GFER: variants seen among roughly 807,000 people sequenced by gnomAD.
GFER encodes the protein growth factor, augmenter of liver regeneration, also known as FAD-linked sulfhydryl oxidase ALR.
In GFER, 24 loss-of-function variants were observed where a neutral mutation model predicts 18.2. The observed-to-expected ratio is 1.32, with a 90% CI of 0.96 to 1.86. The LOEUF (loss-of-function observed/expected upper bound fraction) is 1.86, where lower values mean the gene tolerates loss of function less well. Among genes scored for constraint, GFER ranks in the 40% most tolerant of loss-of-function variants. The probability of loss-of-function intolerance (pLI) is 0.00; values close to 1 mark genes in which losing one functional copy is unlikely to be tolerated. For missense variants in GFER, 316 were observed against 295.6 expected, an observed-to-expected ratio of 1.07 and a Z score of -0.51; for synonymous variants, 138 against 126.9, an observed-to-expected ratio of 1.09 and a Z score of -0.59.
In GFER at chr16:1,987,282, A is replaced by C. The variant is rs901514599; in HGVS notation, c.*1254A>C. 1.3e-5 allele frequency: 2 copies of C among 152,456 alleles called. No homozygotes were observed. Among genetic ancestry groups the C allele is most frequent in the African/African-American group, 4.8e-5 (2 of 41,422 alleles). 9.4% of individuals were successfully genotyped at this position (152,456 alleles called of 1,614,324 possible). On this transcript the variant is annotated 3_prime_UTR_variant, in exon 3 of 3. Coordinates refer to ENST00000248114, the MANE Select transcript of GFER (RefSeq NM_005262.3). ...CCAGCCTTTGGGCCTCCCCAGCCAG[A>C]GCAGCCCAGCAACAGTGTGTCCTGT...
At position 1,984,612 on chromosome 16, in the gene GFER, C is replaced by T. The variant is rs146529877; in HGVS notation, c.259-135C>T. 450 of 1,363,582 alleles carry T rather than the reference C, an allele frequency of 3.3e-4. 7 individuals carry two copies. The East Asian group carries it at 0.01, about 32-fold the overall frequency. The allele number at this position is 1,363,582 out of a possible 1,614,324, so 84.5% of individuals were successfully genotyped here. A position where few individuals can be genotyped will look rare whatever the true frequency, so the allele number is the denominator to read the frequency against. On this transcript the variant is annotated intron_variant, in intron 1 of 2. Transcript: ENST00000248114. ...CGGGTAGGCCCGGCCTTACAGCCTT[C>T]ATCCGCGCGTGGGTTGGATCGTCTG...
At chr16:1,984,528 C>A in intron 1 of GFER, 52 bp downstream of exon 1, 1 of 1,532,720 alleles carries the variant, frequency 6.5e-7, no homozygotes, top group East Asian at 2.4e-5. Flanking sequence ...CTGTCCCCGC[C>A]CCCGCCCAGG....
intron 1 of GFER, 71 bp from the exon 2 acceptor site, chr16:1,984,676 C>T: frequency 6.9e-7 from 1 of 1,449,354 alleles, no homozygotes; most frequent in Non-Finnish European, 9.6e-7. Flanking sequence ...ACCGGCTGGG[C>T]CGTACAGTGG....
In GFER at chr16:1,984,755, C is replaced by T; in HGVS notation, c.267C>T (p.Thr89=). The change falls in exon 2 of 3, where the codon ACC becomes ACT. Residue 89 remains threonine, a synonymous_variant. Transcript: ENST00000248114. ...TCGGCCTGCTTCCGCAGCGGGACAC[C>T]AAGTTTAGGGAGGACTGCCCGCCGG... is the stretch of plus-strand genomic sequence containing the variant. ...TWMRTQQKRD[T]KFREDCPPDR... is the part of the protein sequence containing the mutation. 1 of 1,608,784 alleles carries T rather than the reference C, an allele frequency of 6.2e-7. No individual in the cohort carries two copies. The highest frequency in any genetic ancestry group is 2.2e-5 in the East Asian group (1 of 44,874).
chr16:1,984,477 GTGCAGTTCCC>G lies in GFER; in HGVS notation c.258+5_258+14del. On this transcript the variant is annotated splice_donor_variant and splice_donor_5th_base_variant and intron_variant, in intron 1 of 2. Transcript: ENST00000248114. LOFTEE classifies it high-confidence loss of function. ...GACGTGGATGCGGACGCAGCAGAAG[GTGCAGTTCCC>G]TGCCCGATTTCTCCCAGCCCCGCGC... is the stretch of plus-strand genomic sequence containing the variant. The G allele has an allele frequency of 6.4e-7, 1 of 1,558,360 alleles. No homozygotes were observed. The highest frequency in any genetic ancestry group is 8.6e-7 in the Non-Finnish European group (1 of 1,156,124).
In GFER at chr16:1,985,854, C is replaced by T. The variant is rs934348122; in HGVS notation, c.456-12C>T. On this transcript the variant is annotated splice_polypyrimidine_tract_variant and intron_variant, in intron 2 of 2. Coordinates refer to ENST00000248114, the MANE Select transcript of GFER (RefSeq NM_005262.3). Reference sequence around the variant, plus strand: ...TGCGTCCTCTCATTCTTTACCTGCTCTCCCTACACAGGCTGTGCAGGAACC... The same window carrying T: ...TGCGTCCTCTCATTCTTTACCTGCTTTCCCTACACAGGCTGTGCAGGAACC... 5 of 1,610,004 alleles carry T rather than the reference C, an allele frequency of 3.1e-6. No homozygotes were observed. In the African/African-American group the frequency reaches 5.3e-5, roughly 17 times the overall value.
intron 2 of GFER, among the ~76,000 whole-genome samples, chr16:1,985,343 G>C (rs1219957493): frequency 6.6e-6 from 1 of 152,250 alleles, no homozygotes; most frequent in Admixed American, 6.5e-5. Context: ...AGGGATCCAA[G>C]AGCCAGCACT....
At position 1,987,081 on chromosome 16, in the gene GFER, C is replaced by T. The variant is rs2083570928; in HGVS notation, c.*1053C>T. 6.8e-6 allele frequency: 1 copy of T among 147,244 alleles called. No homozygotes were observed. Among genetic ancestry groups the T allele is most frequent in the African/African-American group, 2.4e-5 (1 of 41,112 alleles). 9.1% of individuals were successfully genotyped at this position (147,244 alleles called of 1,614,324 possible). A position where few individuals can be genotyped will look rare whatever the true frequency, so the allele number is the denominator to read the frequency against. The stretch of plus-strand genomic sequence containing the variant: ...GGTGGGGAGGAAGCCGGGGCAGTCA[C>T]CGAGTGACCACCAAGAGGAAGACCC... On this transcript the variant is annotated 3_prime_UTR_variant, in exon 3 of 3. Coordinates refer to ENST00000248114, the MANE Select transcript of GFER (RefSeq NM_005262.3).
chr16:1,984,652 G>C, intron 1 of GFER, 95 bp from the exon 2 acceptor site: 1 of 1,390,410 alleles, frequency 7.2e-7, no homozygotes, highest in Non-Finnish European at 1.0e-6. Flanking sequence ...ACTTTGGCCG[G>C]AGTCCAGTGG....
chr16:1,984,244 G>A lies in GFER; in HGVS notation c.26G>A (p.Arg9His). MAAPGERG[R>H]FHGGNLFFLP... ...ATGGCGGCGCCCGGCGAGCGGGGCC[G>A]CTTCCACGGCGGGAACCTCTTCTTC... Residue 9 changes from arginine (R) to histidine (H), a missense_variant, in exon 1 of 3, where the codon CGC becomes CAC. Transcript: ENST00000248114. 1.4e-6 allele frequency: 2 copies of A among 1,476,338 alleles called. No individual in the cohort carries two copies. Among genetic ancestry groups the A allele is most frequent in the Non-Finnish European group, 1.8e-6 (2 of 1,120,638 alleles). 91.5% of individuals were successfully genotyped at this position (1,476,338 alleles called of 1,614,324 possible). A position where few individuals can be genotyped will look rare whatever the true frequency, so the allele number is the denominator to read the frequency against.
rs1195899467 is a variant in GFER, at chr16:1,984,455, G to A, written c.237G>A (p.Thr79=). 1.3e-6 allele frequency: 2 copies of A among 1,557,472 alleles called. No homozygotes were observed. The highest frequency in any genetic ancestry group is 2.7e-5 in the African/African-American group (2 of 73,740). The change falls in exon 1 of 3, where the codon ACG becomes ACA. Residue 79 remains threonine, a synonymous_variant. Transcript: ENST00000248114. ...GCCGGGCCTGCGTCGACTTCAAGAC[G>A]TGGATGCGGACGCAGCAGAAGGTGC... ...RPCRACVDFK[T]WMRTQQKRDT... is the part of the protein sequence containing the mutation.
rs549501017 is a variant in GFER at position 1,985,531 on chromosome 16, A to G, written c.456-335A>G. Reference sequence around the variant, plus strand: ...CTGTGCCCAGCCCCACCCAGGCCACACTCTGCCTGAGGCCAGGGACACTGG... The same window carrying G: ...CTGTGCCCAGCCCCACCCAGGCCACGCTCTGCCTGAGGCCAGGGACACTGG... On this transcript the variant is annotated intron_variant, in intron 2 of 2. Coordinates refer to ENST00000248114, the MANE Select transcript of GFER (RefSeq NM_005262.3). Among the ~76,000 whole-genome samples, 160 of 152,230 alleles carry G rather than the reference A, an allele frequency of 1.1e-3. 1 individual carries two copies. Among genetic ancestry groups the G allele is most frequent in the South Asian group, 1.9e-3 (9 of 4,826 alleles).
rs61729106 is a variant in GFER at position 1,986,215 on chromosome 16, T to A, written c.*187T>A. The A allele has an allele frequency of 0.015, 9,650 of 657,584 alleles. 629 individuals are homozygous for A. In the African/African-American group the frequency reaches 0.15, roughly 10 times the overall value. The allele number at this position is 657,584 out of a possible 1,614,324, so 40.7% of individuals were successfully genotyped here. ...CAGAAGTGGAGGTGCCCACAGCAGG[T>A]ACCCACTGGCCCCCTCCTCAGTGGA... On this transcript the variant is annotated 3_prime_UTR_variant, in exon 3 of 3. Transcript: ENST00000248114.
chr16:1,986,525 A>C lies in GFER; in HGVS notation c.*497A>C. ...TGCTCAGTCCCTACAGGGAAAGCTC[A>C]GGTCGGGTCTTTCTGAGGGTCCACC... On this transcript the variant is annotated 3_prime_UTR_variant, in exon 3 of 3. Coordinates refer to ENST00000248114, the MANE Select transcript of GFER (RefSeq NM_005262.3). The C allele has an allele frequency of 4.5e-6, 1 of 224,538 alleles. No individual in the cohort carries two copies. Among genetic ancestry groups the C allele is most frequent in the Non-Finnish European group, 9.1e-6 (1 of 110,150 alleles). The allele number at this position is 224,538 out of a possible 1,614,324, so 13.9% of individuals were successfully genotyped here.
At position 1,986,187 on chromosome 16, in the gene GFER, G is replaced by A; in HGVS notation, c.*159G>A. ...ACCTGCCCTGCCCCTCTTAGGTTTG[G>A]AGCAGAAGTGGAGGTGCCCACAGCA... On this transcript the variant is annotated 3_prime_UTR_variant, in exon 3 of 3. Transcript: ENST00000248114. The A allele has an allele frequency of 2.6e-6, 2 of 761,538 alleles. No homozygotes were observed. Among genetic ancestry groups the A allele is most frequent in the Non-Finnish European group, 4.5e-6 (2 of 446,728 alleles). The allele number at this position is 761,538 out of a possible 1,614,324, so 47.2% of individuals were successfully genotyped here. A position where few individuals can be genotyped will look rare whatever the true frequency, so the allele number is the denominator to read the frequency against.
Position 1,984,823 on chromosome 16 carries a change from C to T in GFER, c.335C>T (p.Thr112Ile), listed in dbSNP as rs368889722. Residue 112 changes from threonine to isoleucine, a missense_variant, in exon 2 of 3, where the codon ACC becomes ATC. Physicochemically the swap from Thr to Ile is moderately conservative, Grantham distance 89. Transcript: ENST00000248114. ...LGRHSWAVLH[T>I]LAAYYPDLPT... ...CGCCACAGCTGGGCTGTCCTCCACA[C>T]CCTGGCCGCCTACTACCCCGACCTG... 1.3e-5 allele frequency: 21 copies of T among 1,613,330 alleles called. No homozygotes were observed. The Admixed American group carries it at 2.5e-4, about 19-fold the overall frequency.
intron 1 of GFER, 75 bp downstream of exon 1, chr16:1,984,551 G>A (rs1251360884): frequency 6.7e-6 from 10 of 1,492,356 alleles, no homozygotes; most frequent in Non-Finnish European, 9.0e-6. Context: ...CCCCGGCAGA[G>A]CTTCCCAGGG....
At position 1,986,120 on chromosome 16, in the gene GFER, T is replaced by C; in HGVS notation, c.*92T>C. 2 of 1,360,070 alleles carry C rather than the reference T, an allele frequency of 1.5e-6. No individual in the cohort carries two copies. Among genetic ancestry groups the C allele is most frequent in the Non-Finnish European group, 2.1e-6 (2 of 964,368 alleles). The allele number at this position is 1,360,070 out of a possible 1,614,324, so 84.3% of individuals were successfully genotyped here. On this transcript the variant is annotated 3_prime_UTR_variant, in exon 3 of 3. Coordinates refer to ENST00000248114, the MANE Select transcript of GFER (RefSeq NM_005262.3). ...TAAAGTGCATCACAGCCAGAGCCTG[T>C]TGTGTCTCAGTTGGGTGGTCCCCAG...
chr16:1,984,824 C>T lies in GFER; in HGVS notation c.336C>T (p.Thr112=), dbSNP rs1402014708. ...GCCACAGCTGGGCTGTCCTCCACACCCTGGCCGCCTACTACCCCGACCTGC... is the reference window on the plus strand; with the variant it reads ...GCCACAGCTGGGCTGTCCTCCACACTCTGGCCGCCTACTACCCCGACCTGC... The part of the protein sequence containing the change: ...LGRHSWAVLH[T]LAAYYPDLPT... Residue 112 remains threonine, a synonymous_variant, in exon 2 of 3, where the codon ACC becomes ACT. Coordinates refer to ENST00000248114, the MANE Select transcript of GFER (RefSeq NM_005262.3). 3.1e-6 allele frequency: 5 copies of T among 1,613,284 alleles called. No individual in the cohort carries two copies. The highest frequency in any genetic ancestry group is 1.6e-4 in the Middle Eastern group (1 of 6,084).
Sources: allele counts gnomAD v4.1 joint callset (sites outside exome capture counted in the v4.1 genomes callset), GRCh38; gene constraint gnomAD v4.1.1; transcripts MANE v1.5; gene names NCBI Gene and HGNC (gene_info 2026-07-23, HGNC 2026-07-21).